Variants in RPAP2 observed in about 807,000 individuals in gnomAD.
RPAP2 encodes RNA polymerase II associated protein 2, also known as putative RNA polymerase II subunit B1 CTD phosphatase RPAP2.
In RPAP2, 52 loss-of-function variants were observed where a neutral mutation model predicts 73.1. The ratio of observed to expected loss-of-function variants is 0.71; its 90% CI spans 0.57 to 0.90. The LOEUF (loss-of-function observed/expected upper bound fraction) is 0.90. Among genes scored for constraint, RPAP2 ranks in the 40% least tolerant of loss-of-function variants. RPAP2 has a pLI of 0.00. For missense variants in RPAP2, 598 were observed against 701.8 expected, an observed-to-expected ratio of 0.85 and a Z score of 1.67; for synonymous variants, 225 against 242.1, an observed-to-expected ratio of 0.93 and a Z score of 0.65.
intron 11 of RPAP2, among the ~76,000 whole-genome samples, chr1:92,359,542 A>T (rs1434424301): frequency 2.0e-5 from 3 of 152,228 alleles, no homozygotes; most frequent in African/African-American, 7.2e-5. Flanking sequence ...CTGGTCCCGA[A>T]CTTCTGACCT....
intron 9 of RPAP2, among the ~76,000 whole-genome samples, chr1:92,335,130 G>A (rs1220277110): frequency 6.6e-6 from 1 of 152,078 alleles, no homozygotes; most frequent in Admixed American, 6.6e-5. Flanking sequence ...CTCCATAGTG[G>A]GTGTACTAAT....
Position 92,300,204 on chromosome 1 carries a change from G to A in RPAP2, c.84G>A (p.Gln28=), listed in dbSNP as rs72958781. ...GTATTTTTATTGTAGGTACTAAACA[G>A]ACAAGTACTTTGAAACAAGAAGATG... ...RCSRKAAGTK[Q]TSTLKQEDAS... is the part of the protein sequence containing the mutation. The change falls in exon 2 of 13, where the codon CAG becomes CAA. Residue 28 remains glutamine, a synonymous_variant. Coordinates refer to ENST00000610020, the MANE Select transcript of RPAP2 (RefSeq NM_024813.3). The A allele has an allele frequency of 0.012, 19,213 of 1,609,344 alleles. 556 individuals carry two copies. Among genetic ancestry groups the A allele is most frequent in the African/African-American group, 0.11 (8,511 of 74,704 alleles).
chr1:92,336,430 T>C lies in RPAP2; in HGVS notation c.1619+3T>C, dbSNP rs780451291. On this transcript the variant is annotated splice_donor_region_variant and intron_variant, in intron 10 of 12. Transcript: ENST00000610020. ...AAAAATCTTGTTCGAACTTTCAGGT[T>C]AGTGTTTATATTACAATTATCCTTC... 3.3e-5 allele frequency: 51 copies of C among 1,558,864 alleles called. No homozygotes were observed. Among genetic ancestry groups the C allele is most frequent in the Non-Finnish European group, 4.2e-5 (48 of 1,130,816 alleles).
rs571448517 is a variant in RPAP2 at position 92,392,931 on chromosome 1, A to G, written c.*5920A>G. 2.1e-4 allele frequency: 32 copies of G among 152,330 alleles called. No individual in the cohort carries two copies. Among genetic ancestry groups the G allele is most frequent in the African/African-American group, 7.7e-4 (32 of 41,570 alleles). 9.4% of individuals were successfully genotyped at this position (152,330 alleles called of 1,614,324 possible). A position where few individuals can be genotyped will look rare whatever the true frequency, so the allele number is the denominator to read the frequency against. ...CAAACTGATTTATAGATTCAATGCT[A>G]TCCCCATCAAGCTACCACTAACTTT... On this transcript the variant is annotated 3_prime_UTR_variant, in exon 13 of 13. Transcript: ENST00000610020.
chr1:92,324,337 T>C lies in RPAP2; in HGVS notation c.1417T>C (p.Leu473=), dbSNP rs778828023. 3.1e-6 allele frequency: 5 copies of C among 1,613,900 alleles called. No individual in the cohort carries two copies. Among genetic ancestry groups the C allele is most frequent in the Non-Finnish European group, 4.2e-6 (5 of 1,179,926 alleles). ...IREFYRGRYV[L]GEETTKSQDS... is the part of the protein sequence containing the mutation. ...GGAGTTTTACAGAGGACGGTATGTT[T>C]TGGGTGAAGAAACCACCAAATCACA... Residue 473 remains leucine, a synonymous_variant, in exon 8 of 13, where the codon TTG becomes CTG. Transcript: ENST00000610020.
chr1:92,357,437 A>G (rs1215577274), intron 11 of RPAP2, among the ~76,000 whole-genome samples: 1 of 152,232 alleles, frequency 6.6e-6, no homozygotes, highest in African/African-American at 2.4e-5. Flanking sequence ...ATTTCAAGAA[A>G]TAGAACAGAT....
At chr1:92,357,807 C>T (rs1571120629) in intron 11 of RPAP2, among the ~76,000 whole-genome samples, 2 of 152,264 alleles carry the variant, frequency 1.3e-5, no homozygotes, top group African/African-American at 4.8e-5. Context: ...GTTGGGATTA[C>T]AGGCGTGAGC....
chr1:92,310,375 C>T (rs1651519105), intron 6 of RPAP2, among the ~76,000 whole-genome samples: 1 of 152,096 alleles, frequency 6.6e-6, no homozygotes, highest in African/African-American at 2.4e-5. Context: ...CTAGCTATTG[C>T]ACATTTAAGC....
intron 8 of RPAP2, among the ~76,000 whole-genome samples, chr1:92,325,683 CA>C: frequency 6.6e-6 from 1 of 152,160 alleles, no homozygotes; most frequent in East Asian, 1.9e-4. Context: ...CTACCCAAGC[CA>C]AGAAATAGGT....
rs575774864 is a variant in RPAP2, at chr1:92,398,359, C to T, written c.*11348C>T. 6.6e-6 allele frequency: 1 copy of T among 152,194 alleles called. No homozygotes were observed. The highest frequency in any genetic ancestry group is 2.1e-4 in the South Asian group (1 of 4,818). 9.4% of individuals were successfully genotyped at this position (152,194 alleles called of 1,614,324 possible). ...ATGTTTACAGGAGTGAACCACCGCA[C>T]CTGGCCAGTGGAGTCTTTTTAAGGT... On this transcript the variant is annotated 3_prime_UTR_variant, in exon 13 of 13. Transcript: ENST00000610020.
intron 6 of RPAP2, among the ~76,000 whole-genome samples, chr1:92,320,322 G>T (rs1652175626): frequency 6.6e-6 from 1 of 151,944 alleles, no homozygotes. Flanking sequence ...CGCCAGGCTG[G>T]AGTGCAGTGG....
chr1:92,307,363 G>T, intron 6 of RPAP2, 87 bp downstream of exon 6: 1 of 856,940 alleles, frequency 1.2e-6, no homozygotes, highest in Non-Finnish European at 1.8e-6. Context: ...AGTAAGTCTA[G>T]TTTTCTGTAA....
intron 9 of RPAP2, among the ~76,000 whole-genome samples, chr1:92,334,943 G>A (rs1045626994): frequency 3.3e-5 from 5 of 152,026 alleles, no homozygotes; most frequent in East Asian, 1.9e-4. Flanking sequence ...AGCCAAGATC[G>A]CACCACTGCA....
At chr1:92,357,831 C>A (rs1304914272) in intron 11 of RPAP2, among the ~76,000 whole-genome samples, 1 of 152,256 alleles carries the variant, frequency 6.6e-6, no homozygotes, top group African/African-American at 2.4e-5. Context: ...CATACCCTGC[C>A]CCTGAGATAA....
At chr1:92,302,726 C>T (rs1296075398) in intron 3 of RPAP2, among the ~76,000 whole-genome samples, 1 of 150,790 alleles carries the variant, frequency 6.6e-6, no homozygotes, top group Non-Finnish European at 1.5e-5. Context: ...CTCAGCCTCC[C>T]GAGTAGCTGG....
chr1:92,369,273 G>A (rs754789930), intron 11 of RPAP2, among the ~76,000 whole-genome samples: 32 of 152,022 alleles, frequency 2.1e-4, no homozygotes, highest in Non-Finnish European at 4.6e-4. Flanking sequence ...ATGTTATTAT[G>A]GGGTTTTGCT....
intron 11 of RPAP2, 54 bp downstream of exon 11, chr1:92,345,968 T>G (rs1653872835): frequency 8.0e-7 from 1 of 1,247,010 alleles, no homozygotes; most frequent in Non-Finnish European, 1.2e-6. Context: ...GCATATTGAT[T>G]AGGGAAAAAC....
At position 92,393,335 on chromosome 1, in the gene RPAP2, A is replaced by G. The variant is rs1342897001; in HGVS notation, c.*6324A>G. 1 of 152,204 alleles carries G rather than the reference A, an allele frequency of 6.6e-6. No individual in the cohort carries two copies. The highest frequency in any genetic ancestry group is 1.5e-5 in the Non-Finnish European group (1 of 68,042). 9.4% of individuals were successfully genotyped at this position (152,204 alleles called of 1,614,324 possible). A position where few individuals can be genotyped will look rare whatever the true frequency, so the allele number is the denominator to read the frequency against. Reference sequence around the variant, plus strand: ...CACCTTATACAAAAATCAACTCAAGATGGAACAAAGACTTAAACGTAAGAC... The same window carrying G: ...CACCTTATACAAAAATCAACTCAAGGTGGAACAAAGACTTAAACGTAAGAC... On this transcript the variant is annotated 3_prime_UTR_variant, in exon 13 of 13. Transcript: ENST00000610020.
chr1:92,303,411 A>T (rs1238993971), intron 3 of RPAP2, among the ~76,000 whole-genome samples: 2 of 152,224 alleles, frequency 1.3e-5, no homozygotes, highest in African/African-American at 2.4e-5. Context: ...AAATTATTTG[A>T]TCATGAAGAT....
Sources: gnomAD v4.1 joint callset for allele counts (sites outside exome capture counted in the v4.1 genomes callset) on GRCh38, gnomAD v4.1.1 for gene constraint, MANE v1.5 for transcripts, NCBI Gene and HGNC (gene_info 2026-07-23, HGNC 2026-07-21) for gene names.